WASHC3: variants seen among roughly 807,000 people sequenced by gnomAD.
WASHC3 encodes WASH complex subunit CCDC53.
Under a neutral mutation model 26.1 loss-of-function variants are expected in WASHC3, and 24 were observed. That is an observed-to-expected ratio of 0.92 (90% CI 0.66 to 1.29). WASHC3 has a LOEUF of 1.29. Among genes scored for constraint, WASHC3 ranks in the 50% most tolerant of loss-of-function variants. The pLI is 0.00. For missense variants in WASHC3, 214 were observed against 229.6 expected (o/e 0.93, Z 0.44); for synonymous variants, 77 against 75.7 (o/e 1.02, Z -0.09).
rs1876539532 is a variant in WASHC3 at position 102,012,941 on chromosome 12, C to T, written c.*167G>A. The T allele has an allele frequency of 2.1e-6, 1 of 481,134 alleles. No individual in the cohort carries two copies. The highest frequency in any genetic ancestry group is 3.4e-5 in the South Asian group (1 of 29,422). The allele number at this position is 481,134 out of a possible 1,614,324, so 29.8% of individuals were successfully genotyped here. ...CCCTTTATTTTAGCAACAAGACATA[C>T]TGGCAGGTTAAAACTGCTTTATTAT... On this transcript the variant is annotated 3_prime_UTR_variant, in exon 7 of 7. Coordinates refer to ENST00000240079, the MANE Select transcript of WASHC3 (RefSeq NM_016053.4).
At chr12:102,050,646 G>C (rs1878360192) in intron 2 of WASHC3, 3 of 437,922 alleles carry the variant, frequency 6.9e-6, no homozygotes, top group South Asian at 1.6e-5. Context: ...CCGTCTCGGG[G>C]GGAAAAGAAA....
chr12:102,013,224 CT>C, intron 6 of WASHC3, 32 bp from the exon 7 acceptor site: 1 of 1,126,344 alleles, frequency 8.9e-7, no homozygotes. Flanking sequence ...TTTCAAAGGT[CT>C]TTTCCAATTG....
At chr12:102,025,702 C>CA (rs964234240) in intron 6 of WASHC3, among the ~76,000 whole-genome samples, 34 of 129,678 alleles carry the variant, frequency 2.6e-4, no homozygotes, top group Admixed American at 2.3e-3. Flanking sequence ...AAAAAAAAAG[C>CA]AAAAAAAATT....
At chr12:102,025,599 C>T (rs1877143218) in intron 6 of WASHC3, among the ~76,000 whole-genome samples, 1 of 129,838 alleles carries the variant, frequency 7.7e-6, no homozygotes, top group Admixed American at 8.3e-5. Flanking sequence ...CCCCCTGGTA[C>T]ATAATAATCA....
intron 6 of WASHC3, among the ~76,000 whole-genome samples, chr12:102,014,104 A>C (rs571726237): frequency 3.5e-4 from 1 of 2,836 alleles, no homozygotes; most frequent in African/African-American, 1.4e-3. Flanking sequence ...TTTTTTTGAG[A>C]TGGAGTCTCG....
At chr12:102,014,075 C>CTTTTTTTTTTTTTTTTTTTTTTTTTTTT (rs1189181874) in intron 6 of WASHC3, among the ~76,000 whole-genome samples, 2 of 88,708 alleles carry the variant, frequency 2.3e-5, no homozygotes, top group African/African-American at 4.4e-5. Flanking sequence ...ACTGCTACAT[C>CTTTTTTTTTTTTTTTTTTTTTTTTTTTT]TTTTTTTTTT....
At chr12:102,054,032 CAT>C (rs1878496639) in intron 2 of WASHC3, among the ~76,000 whole-genome samples, 1 of 152,106 alleles carries the variant, frequency 6.6e-6, no homozygotes, top group Non-Finnish European at 1.5e-5. Flanking sequence ...CCTGTTATAA[CAT>C]GTTTTATGTC....
chr12:102,039,955 T>A lies in WASHC3; in HGVS notation c.348A>T (p.Gly116=). The A allele has an allele frequency of 6.3e-7, 1 of 1,593,658 alleles. No individual in the cohort carries two copies. The highest frequency in any genetic ancestry group is 8.6e-7 in the Non-Finnish European group (1 of 1,161,890). Residue 116 remains glycine, a synonymous_variant, in exon 5 of 7, where the codon GGA becomes GGT. Transcript: ENST00000240079. ...CTGCTGATACTTCACTTTCCTGTAG[T>A]CCAGAGTCTTGTGTACTGTTCTGCT... ...QPQQNSTQDS[G]LQESEVSAEN... is the part of the protein sequence containing the mutation.
chr12:102,035,801 A>T (rs1294477158), intron 5 of WASHC3, among the ~76,000 whole-genome samples: 1 of 152,250 alleles, frequency 6.6e-6, no homozygotes, highest in African/African-American at 2.4e-5. Flanking sequence ...ATGTACAGAT[A>T]ATCATAAAAC....
chr12:102,030,823 A>G (rs1877403297), intron 5 of WASHC3, among the ~76,000 whole-genome samples: 1 of 152,334 alleles, frequency 6.6e-6, no homozygotes, highest in African/African-American at 2.4e-5. Context: ...TCTGCCCACT[A>G]CATGGCCAGT....
chr12:102,026,068 A>C (rs1188558910), intron 5 of WASHC3, 30 bp from the exon 6 acceptor site: 4 of 1,274,728 alleles, frequency 3.1e-6, no homozygotes, highest in Non-Finnish European at 4.4e-6. Flanking sequence ...TAATTTCATC[A>C]TTAAAAATGT....
intron 6 of WASHC3, among the ~76,000 whole-genome samples, chr12:102,017,340 T>C (rs1483417760): frequency 6.6e-6 from 1 of 152,208 alleles, no homozygotes; most frequent in Non-Finnish European, 1.5e-5. Context: ...CCTTAAGCGA[T>C]GCACGGCTGT....
chr12:102,054,318 A>G (rs748422564), intron 2 of WASHC3, among the ~76,000 whole-genome samples: 17 of 152,324 alleles, frequency 1.1e-4, no homozygotes, highest in Middle Eastern at 3.4e-3. Flanking sequence ...ATAAGACCCA[A>G]CTACCTGCTG....
At chr12:102,038,522 AGTTTTT>A (rs1877775184) in intron 5 of WASHC3, among the ~76,000 whole-genome samples, 1 of 152,084 alleles carries the variant, frequency 6.6e-6, no homozygotes, top group African/African-American at 2.4e-5. Flanking sequence ...AGAGTGAAAT[AGTTTTT>A]GTTGTTGTTG....
chr12:102,036,388 A>G (rs1326062059), intron 5 of WASHC3, among the ~76,000 whole-genome samples: 1 of 151,324 alleles, frequency 6.6e-6, no homozygotes, highest in East Asian at 1.9e-4. Flanking sequence ...AAAAAATCCA[A>G]TTCAGGACAG....
rs530848504 is a variant in WASHC3 at position 102,026,922 on chromosome 12, C to T, written c.436-884G>A. Among the ~76,000 whole-genome samples the T allele has an allele frequency of 2.6e-5, 4 of 152,198 alleles. No homozygotes were observed. The East Asian group carries it at 7.7e-4, about 29-fold the overall frequency. On this transcript the variant is annotated intron_variant, in intron 5 of 6. Coordinates refer to ENST00000240079, the MANE Select transcript of WASHC3 (RefSeq NM_016053.4). ...TGGCATGGGACCCTCCCTCTCACCC[C>T]GTGTGGCATAAGAAGGAAAGTACAC...
At chr12:102,061,823 G>T (rs991722135) in intron 1 of WASHC3, 89 bp downstream of exon 1, 5 of 1,148,854 alleles carry the variant, frequency 4.4e-6, no homozygotes, top group South Asian at 1.4e-5. Flanking sequence ...ACAGGGTGGG[G>T]ACTCGGAAGG....
chr12:102,051,424 T>C (rs1166938708), intron 2 of WASHC3, among the ~76,000 whole-genome samples: 2 of 152,216 alleles, frequency 1.3e-5, no homozygotes, highest in Non-Finnish European at 2.9e-5. Context: ...CACCTTACAT[T>C]TGAATACATG....
At chr12:102,019,309 T>G in intron 6 of WASHC3, 3 of 312,754 alleles carry the variant, frequency 9.6e-6, no homozygotes, top group South Asian at 7.8e-5. Context: ...GGGATATTCA[T>G]ATTTTCAAGG....
Sources: gnomAD v4.1 joint callset for allele counts (sites outside exome capture counted in the v4.1 genomes callset) on GRCh38, gnomAD v4.1.1 for gene constraint, MANE v1.5 for transcripts, NCBI Gene and HGNC (gene_info 2026-07-23, HGNC 2026-07-21) for gene names.